The following ME3 variants were observed in gnomAD, a reference collection of about 807,000 sequenced individuals.
ME3 encodes the protein NADP-dependent malic enzyme, mitochondrial.
A neutral mutation model predicts 68.9 loss-of-function variants in ME3; 48 were observed. The observed-to-expected ratio is 0.70, with a 90% CI of 0.55 to 0.89. The LOEUF (loss-of-function observed/expected upper bound fraction) is 0.89. Ranked by LOEUF, ME3 falls within the 40% of genes least tolerant of loss-of-function variation. The pLI, the probability that ME3 is intolerant of heterozygous loss-of-function variation, is 0.00. For synonymous variants in ME3, 320 were observed against 318.8 expected (o/e 1.00, Z -0.04); for missense variants, 675 against 797.4 (o/e 0.85, Z 1.85).
At chr11:86,615,414 A>G (rs12785372) in intron 2 of ME3, among the ~76,000 whole-genome samples, 1,730 of 152,272 alleles carry the variant, frequency 0.011, 17 homozygotes, top group Non-Finnish European at 0.018. Context: ...TTCCCATTTT[A>G]TGGATGAAGA....
At chr11:86,553,803 C>T (rs1336761543) in intron 4 of ME3, among the ~76,000 whole-genome samples, 1 of 152,152 alleles carries the variant, frequency 6.6e-6, no homozygotes, top group Non-Finnish European at 1.5e-5. Flanking sequence ...ACCTGAGACC[C>T]CTGGGAAGTC....
chr11:86,461,008 A>C (rs1950199412), intron 8 of ME3, among the ~76,000 whole-genome samples: 1 of 152,224 alleles, frequency 6.6e-6, no homozygotes, highest in Non-Finnish European at 1.5e-5. Flanking sequence ...AGTTAGAGGA[A>C]GGAATGGGAA....
intron 2 of ME3, among the ~76,000 whole-genome samples, chr11:86,664,610 C>A (rs1204100274): frequency 6.6e-6 from 1 of 152,138 alleles, no homozygotes; most frequent in African/African-American, 2.4e-5. Context: ...TTTCCTTTGA[C>A]TTTTATAGGG....
chr11:86,442,629 C>A lies in ME3; in HGVS notation c.1653+192G>T, dbSNP rs565650150. Among the ~76,000 whole-genome samples, 5 of 152,130 alleles carry A rather than the reference C, an allele frequency of 3.3e-5. No individual in the cohort carries two copies. The South Asian group carries it at 1.0e-3, about 32-fold the overall frequency. On this transcript the variant is annotated intron_variant, in intron 14 of 14. Coordinates refer to ENST00000543262, the Ensembl canonical transcript of ME3. Reference sequence around the variant, plus strand: ...AATCCAGGAGCTTTCCCAGAACTGGCCTGGGTGGGTGTTTGGGGTGGAGCT... The same window carrying A: ...AATCCAGGAGCTTTCCCAGAACTGGACTGGGTGGGTGTTTGGGGTGGAGCT...
At chr11:86,560,937 C>G (rs1280775483) in intron 2 of ME3, among the ~76,000 whole-genome samples, 1 of 151,588 alleles carries the variant, frequency 6.6e-6, no homozygotes, top group Non-Finnish European at 1.5e-5. Flanking sequence ...TGGAACTTGT[C>G]TGATGTTTTT....
intron 9 of ME3, 65 bp from the exon 10 acceptor site, chr11:86,450,067 G>A (rs1188598319): frequency 7.6e-7 from 1 of 1,321,140 alleles, no homozygotes; most frequent in African/African-American, 1.5e-5. Context: ...TTTATCTGAT[G>A]TCTTGCCATA....
chr11:86,465,897 G>T (rs933104344), intron 7 of ME3, among the ~76,000 whole-genome samples: 5 of 152,182 alleles, frequency 3.3e-5, no homozygotes, highest in Non-Finnish European at 7.3e-5. Context: ...GTGTGGGATG[G>T]GGTCAGGAAC....
intron 4 of ME3, among the ~76,000 whole-genome samples, chr11:86,511,019 C>G (rs993985070): frequency 6.6e-6 from 1 of 152,172 alleles, no homozygotes; most frequent in Admixed American, 6.5e-5. Flanking sequence ...TGGTCTCCTC[C>G]CTTCTTTTAT....
intron 2 of ME3, among the ~76,000 whole-genome samples, chr11:86,614,439 C>T (rs1193348515): frequency 6.6e-6 from 1 of 152,114 alleles, no homozygotes. Flanking sequence ...ATGGATTTTG[C>T]CTTTGCTGTG....
intron 2 of ME3, among the ~76,000 whole-genome samples, chr11:86,569,728 G>A (rs547353844): frequency 1.8e-4 from 27 of 152,228 alleles, no homozygotes; most frequent in African/African-American, 6.0e-4. Flanking sequence ...CTCTGACTCC[G>A]GCAGGAAGGT....
At chr11:86,622,432 A>G (rs1429962148) in intron 2 of ME3, among the ~76,000 whole-genome samples, 1 of 151,932 alleles carries the variant, frequency 6.6e-6, no homozygotes, top group Non-Finnish European at 1.5e-5. Context: ...CTCTCTTGAG[A>G]TGAGAATACC....
At chr11:86,436,450 T>G (rs1291361493), downstream of ME3, 2 of 151,646 alleles carry the variant, frequency 1.3e-5, no homozygotes. Context: ...TTTCTCCCAG[T>G]CTGCTGCTTG....
chr11:86,590,338 G>T (rs916895801), intron 2 of ME3, among the ~76,000 whole-genome samples: 9 of 152,198 alleles, frequency 5.9e-5, no homozygotes, highest in African/African-American at 2.2e-4. Context: ...TCACATCCCA[G>T]TGAGAAAGCA....
At chr11:86,647,565 C>A (rs1457241321) in intron 2 of ME3, among the ~76,000 whole-genome samples, 1 of 151,128 alleles carries the variant, frequency 6.6e-6, no homozygotes, top group African/African-American at 2.4e-5. Flanking sequence ...GGAAGATTTA[C>A]CAAGCAAATG....
intron 2 of ME3, among the ~76,000 whole-genome samples, chr11:86,623,717 A>G (rs910530435): frequency 3.9e-5 from 6 of 152,232 alleles, no homozygotes; most frequent in Non-Finnish European, 7.3e-5. Context: ...TAACAACTTA[A>G]TCCATGGCTC....
chr11:86,468,848 G>A (rs1950628210), intron 7 of ME3, among the ~76,000 whole-genome samples: 1 of 152,170 alleles, frequency 6.6e-6, no homozygotes, highest in South Asian at 2.1e-4. Context: ...ACCGTGCTGA[G>A]CTCTTTACAT....
intron 2 of ME3, among the ~76,000 whole-genome samples, chr11:86,618,154 G>T (rs1005387197): frequency 2.0e-5 from 3 of 151,730 alleles, no homozygotes; most frequent in Non-Finnish European, 4.4e-5. Flanking sequence ...CAAAAAATTT[G>T]CTGGGCATGG....
chr11:86,539,696 G>A (rs997665422), intron 4 of ME3, among the ~76,000 whole-genome samples: 1 of 152,118 alleles, frequency 6.6e-6, no homozygotes, highest in Non-Finnish European at 1.5e-5. Flanking sequence ...TTCAGGAGAC[G>A]AGATCATATA....
chr11:86,660,091 G>A (rs1437112027), intron 2 of ME3, among the ~76,000 whole-genome samples: 1 of 152,104 alleles, frequency 6.6e-6, no homozygotes, highest in Non-Finnish European at 1.5e-5. Flanking sequence ...CTTCTCTCAG[G>A]CAAATGTCTA....
Sources: allele counts gnomAD v4.1 joint callset (sites outside exome capture counted in the v4.1 genomes callset), GRCh38; gene constraint gnomAD v4.1.1; transcripts MANE v1.5; gene names NCBI Gene and HGNC (gene_info 2026-07-23, HGNC 2026-07-21).